AKAP13: variants seen among roughly 807,000 people sequenced by gnomAD.
AKAP13 encodes the protein A-kinase anchor protein 13.
Under a neutral mutation model 264.5 loss-of-function variants are expected in AKAP13, and 80 were observed. The observed-to-expected ratio is 0.30, with a 90% CI of 0.25 to 0.36. The LOEUF (loss-of-function observed/expected upper bound fraction) is 0.36, where lower values mean the gene tolerates loss of function less well. Among genes scored for constraint, AKAP13 ranks in the 10% least tolerant of loss-of-function variants. The pLI is 1.00. For missense variants in AKAP13, 3,712 were observed against 3,435.2 expected (o/e 1.08, Z -2.01); for synonymous variants, 1,380 against 1,250.2 (o/e 1.10, Z -2.19).
At chr15:85,466,607 G>A (rs2074751207) in intron 1 of AKAP13, among the ~76,000 whole-genome samples, 1 of 152,186 alleles carries the variant, frequency 6.6e-6, no homozygotes, top group South Asian at 2.1e-4. Flanking sequence ...TTATTAAATA[G>A]GGAAGGATCT....
At chr15:85,446,610 A>G (rs1027546641) in intron 1 of AKAP13, among the ~76,000 whole-genome samples, 1 of 152,028 alleles carries the variant, frequency 6.6e-6, no homozygotes, top group Non-Finnish European at 1.5e-5. Context: ...GGATGGAAAG[A>G]TATTTGTTGG....
intron 8 of AKAP13, among the ~76,000 whole-genome samples, chr15:85,607,137 T>G (rs1394785492): frequency 6.6e-6 from 1 of 151,930 alleles, no homozygotes; most frequent in Non-Finnish European, 1.5e-5. Flanking sequence ...AAAGAAGTAC[T>G]TCTTTGTAAA....
intron 2 of AKAP13, among the ~76,000 whole-genome samples, chr15:85,519,730 G>T (rs186428939): frequency 6.7e-6 from 1 of 149,512 alleles, no homozygotes; most frequent in Admixed American, 6.6e-5. Flanking sequence ...TGTGGTAGTC[G>T]TAGTAGTCAT....
intron 4 of AKAP13, 94 bp downstream of exon 4, chr15:85,533,974 G>C (rs1280457750): frequency 1.5e-6 from 2 of 1,325,852 alleles, no homozygotes; most frequent in Admixed American, 2.9e-5. Context: ...ATCATATTCA[G>C]GTCTTCCACA....
In AKAP13 at chr15:85,498,739, G is replaced by T. The variant is rs74024886; in HGVS notation, c.33+12986G>T. On this transcript the variant is annotated intron_variant, in intron 2 of 36. Coordinates refer to ENST00000394518, the MANE Select transcript of AKAP13 (RefSeq NM_007200.5). ...ATTGGTATGTGGGGTGACCTGGAAT[G>T]ACTGCCATCTGGACTTCTCTAGGGC... Among the ~76,000 whole-genome samples, 713 of 152,300 alleles carry T rather than the reference G, an allele frequency of 4.7e-3. 10 individuals are homozygous for T. The highest frequency in any genetic ancestry group is 0.013 in the African/African-American group (531 of 41,564).
chr15:85,744,654 G>A lies in AKAP13; in HGVS notation c.8419G>A (p.Glu2807Lys). 1 of 1,611,938 alleles carries A rather than the reference G, an allele frequency of 6.2e-7. No homozygotes were observed. Among genetic ancestry groups the A allele is most frequent in the Admixed American group, 1.7e-5 (1 of 59,626 alleles). The change falls in exon 37 of 37, where the codon GAG becomes AAG. Residue 2807 changes from glutamate to lysine, a missense_variant. Glu to Lys is a moderately conservative substitution (Grantham distance 56). This residue lies in a region of AKAP13 where 611 missense variants were observed against 539.3 expected (regional missense o/e 1.13). Coordinates refer to ENST00000394518, the MANE Select transcript of AKAP13 (RefSeq NM_007200.5). ...TGGTCCCGCGTCAGAAGTATCAGCAGAGGGTGAAGAGATCTTCTGCTGACC... is the reference window on the plus strand; with the variant it reads ...TGGTCCCGCGTCAGAAGTATCAGCAAAGGGTGAAGAGATCTTCTGCTGACC... ...GDGPASEVSA[E>K]GEEIFC
intron 1 of AKAP13, among the ~76,000 whole-genome samples, chr15:85,425,809 C>T (rs2072750537): frequency 6.7e-6 from 1 of 149,482 alleles, no homozygotes; most frequent in South Asian, 2.1e-4. Flanking sequence ...TTTGAAAGTA[C>T]TGTTGTTAAT....
intron 2 of AKAP13, among the ~76,000 whole-genome samples, chr15:85,496,906 T>C (rs4843062): frequency 0.51 from 77,187 of 152,116 alleles, 20,135 homozygotes; most frequent in Middle Eastern, 0.61. Flanking sequence ...TTTCAGTTTC[T>C]TTCTGTTGGA....
At chr15:85,404,299 C>T (rs1400523757) in intron 1 of AKAP13, among the ~76,000 whole-genome samples, 1 of 152,184 alleles carries the variant, frequency 6.6e-6, no homozygotes, top group Non-Finnish European at 1.5e-5. Context: ...GGTCGTATCA[C>T]TGCCCCATTT....
intron 17 of AKAP13, among the ~76,000 whole-genome samples, chr15:85,700,779 A>G (rs370721542): frequency 6.6e-6 from 1 of 152,170 alleles, no homozygotes; most frequent in East Asian, 1.9e-4. Context: ...TTCCATCTCT[A>G]ATTAATTGAA....
At chr15:85,669,237 A>G (rs1567185004) in intron 13 of AKAP13, among the ~76,000 whole-genome samples, 1 of 151,552 alleles carries the variant, frequency 6.6e-6, no homozygotes, top group Non-Finnish European at 1.5e-5. Flanking sequence ...GACTCTGTCT[A>G]AAAAAAAATA....
At chr15:85,418,797 C>G (rs1276554238) in intron 1 of AKAP13, among the ~76,000 whole-genome samples, 1 of 152,134 alleles carries the variant, frequency 6.6e-6, no homozygotes, top group Non-Finnish European at 1.5e-5. Flanking sequence ...TGCATTTAGT[C>G]TAGAGATAAG....
chr15:85,613,080 ATGT>A (rs373811661), intron 8 of AKAP13, among the ~76,000 whole-genome samples: 41 of 152,298 alleles, frequency 2.7e-4, no homozygotes, highest in African/African-American at 5.5e-4. Context: ...CTAAAAAGAA[ATGT>A]TGTTAGAAGA....
intron 8 of AKAP13, among the ~76,000 whole-genome samples, chr15:85,608,680 C>T (rs1221341842): frequency 6.6e-6 from 1 of 152,156 alleles, no homozygotes; most frequent in Non-Finnish European, 1.5e-5. Flanking sequence ...AGAGGGAATT[C>T]CAGAAACCAT....
chr15:85,532,098 G>A (rs1042010347), intron 3 of AKAP13, among the ~76,000 whole-genome samples: 1 of 152,152 alleles, frequency 6.6e-6, no homozygotes, highest in Non-Finnish European at 1.5e-5. Flanking sequence ...AACAATACAT[G>A]CCTCATAAAA....
intron 33 of AKAP13, among the ~76,000 whole-genome samples, chr15:85,739,531 AT>A (rs2088802896): frequency 6.6e-6 from 1 of 151,994 alleles, no homozygotes; most frequent in Non-Finnish European, 1.5e-5. Flanking sequence ...TTGAATTTCT[AT>A]TAGTTCTTTG....
intron 2 of AKAP13, among the ~76,000 whole-genome samples, chr15:85,521,002 G>A (rs1217683704): frequency 1.3e-5 from 2 of 152,184 alleles, no homozygotes; most frequent in South Asian, 4.1e-4. Context: ...ATTGTCAACT[G>A]GAACACAGGA....
intron 8 of AKAP13, among the ~76,000 whole-genome samples, chr15:85,588,662 CT>C (rs1405053232): frequency 2.6e-5 from 4 of 152,112 alleles, no homozygotes; most frequent in African/African-American, 9.7e-5. Context: ...TCCTCTTCTC[CT>C]TTTTTCTCTA....
rs1567222064 is a variant in AKAP13 at position 85,736,084 on chromosome 15, T to G, written c.7513-6T>G. 1.9e-6 allele frequency: 3 copies of G among 1,600,600 alleles called. No individual in the cohort carries two copies. The highest frequency in any genetic ancestry group is 2.6e-6 in the Non-Finnish European group (3 of 1,168,146). ...TTTTTTTATATGTATGTTTTTTGTT[T>G]TATAGGGTGGAAATGCTAACCTGGT... On this transcript the variant is annotated splice_region_variant and splice_polypyrimidine_tract_variant and intron_variant, in intron 32 of 36. Coordinates refer to ENST00000394518, the MANE Select transcript of AKAP13 (RefSeq NM_007200.5).
Sources: gnomAD v4.1 joint callset for allele counts (sites outside exome capture counted in the v4.1 genomes callset) on GRCh38, gnomAD v4.1.1 for gene constraint, gnomAD v4.1.1 regional missense constraint, MANE v1.5 for transcripts, NCBI Gene and HGNC (gene_info 2026-07-23, HGNC 2026-07-21) for gene names.